The following FKBP15 variants were observed in gnomAD, a reference collection of about 807,000 sequenced individuals.
FKBP15 encodes the protein FK506-binding protein 15.
Under a neutral mutation model 158.1 loss-of-function variants are expected in FKBP15, and 106 were observed. That is an observed-to-expected ratio of 0.67 (90% CI 0.57 to 0.79). The LOEUF is 0.79. Among genes scored for constraint, FKBP15 ranks in the 30% least tolerant of loss-of-function variants. The pLI is 0.00. For missense variants in FKBP15, 1,287 were observed against 1,479.1 expected (o/e 0.87, Z 2.13); for synonymous variants, 547 against 548.6 (o/e 1.00, Z 0.04).
chr9:113,168,830 T>A (rs991113802), intron 26 of FKBP15, among the ~76,000 whole-genome samples: 2 of 152,212 alleles, frequency 1.3e-5, no homozygotes, highest in African/African-American at 4.8e-5. Flanking sequence ...GTGGAACAAC[T>A]CCTTTAGAAT....
In FKBP15 at chr9:113,162,016, TGG is replaced by T; in HGVS notation, c.*4060_*4061del. 2.3e-6 allele frequency: 1 copy of T among 435,012 alleles called. No individual in the cohort carries two copies. The highest frequency in any genetic ancestry group is 5.5e-5 in the East Asian group (1 of 18,274). 26.9% of individuals were successfully genotyped at this position (435,012 alleles called of 1,614,324 possible). Reference sequence around the variant, plus strand: ...CCTCCCCCAAATCTCACCAGTTCCATGGGTCACTAGGCTCCCATATCCAGGAG... The same window carrying T: ...CCTCCCCCAAATCTCACCAGTTCCATGTCACTAGGCTCCCATATCCAGGAG... On this transcript the variant is annotated 3_prime_UTR_variant, in exon 28 of 28. Transcript: ENST00000238256.
chr9:113,176,127 C>T (rs1830295830), intron 21 of FKBP15, among the ~76,000 whole-genome samples: 1 of 152,128 alleles, frequency 6.6e-6, no homozygotes, highest in South Asian at 2.1e-4. Context: ...CATCGATAGG[C>T]AAATCATTAA....
At position 113,167,754 on chromosome 9, in the gene FKBP15, G is replaced by A. The variant is rs146233936; in HGVS notation, c.3582+706C>T. The stretch of plus-strand genomic sequence containing the variant: ...TTTCAGAGCAGTCAAAATGGCCTAG[G>A]GACAGCCAGAACGGTTGTAACCTAG... On this transcript the variant is annotated intron_variant, in intron 27 of 27. Transcript: ENST00000238256. Among the ~76,000 whole-genome samples the A allele has an allele frequency of 1.4e-4, 22 of 152,288 alleles. 1 individual carries two copies. Among genetic ancestry groups the A allele is most frequent in the Admixed American group, 9.8e-4 (15 of 15,306 alleles).
chr9:113,212,847 C>T (rs1354963319), intron 1 of FKBP15, among the ~76,000 whole-genome samples: 1 of 152,152 alleles, frequency 6.6e-6, no homozygotes, highest in East Asian at 1.9e-4. Context: ...GCTGGTGATG[C>T]TCAAATCTGC....
intron 1 of FKBP15, among the ~76,000 whole-genome samples, chr9:113,214,989 C>A (rs896852466): frequency 6.6e-6 from 1 of 152,210 alleles, no homozygotes; most frequent in Non-Finnish European, 1.5e-5. Context: ...AGAGTTAGGG[C>A]CTTGCTCTGA....
intron 12 of FKBP15, among the ~76,000 whole-genome samples, chr9:113,190,069 T>G (rs540429645): frequency 6.8e-4 from 103 of 152,126 alleles, no homozygotes; most frequent in African/African-American, 2.4e-3. Context: ...GACATACTAG[T>G]TGGAGCTTTA....
Position 113,168,400 on chromosome 9 carries a change from AG to A in FKBP15, c.3582+59del. The A allele has an allele frequency of 2.1e-6, 3 of 1,397,692 alleles. No homozygotes were observed. The South Asian group carries it at 3.5e-5, about 16-fold the overall frequency. The allele number at this position is 1,397,692 out of a possible 1,614,324, so 86.6% of individuals were successfully genotyped here. On this transcript the variant is annotated intron_variant, in intron 27 of 27. Coordinates refer to ENST00000238256, the MANE Select transcript of FKBP15 (RefSeq NM_015258.2). Reference sequence around the variant, plus strand: ...AGGCTCCATTTCTCTTCTCAGAGCCAGTAGGGAAGAGCCCCCAGGTGGGTGT... The same window carrying A: ...AGGCTCCATTTCTCTTCTCAGAGCCATAGGGAAGAGCCCCCAGGTGGGTGT...
Position 113,169,633 on chromosome 9 carries a change from G to A in FKBP15, c.3076C>T (p.Pro1026Ser). The change falls in exon 26 of 28, where the codon CCA (proline) becomes TCA (serine). Residue 1026 changes from proline to serine, a missense_variant. Physicochemically the swap from Pro to Ser is moderately conservative, Grantham distance 74. Coordinates refer to ENST00000238256, the MANE Select transcript of FKBP15 (RefSeq NM_015258.2). Reference sequence around the variant, plus strand: ...GATGGGATGCAAGACAGTTCGGGTGGAAGGGAACCATCTTTTATCTCTGAG... The same window carrying A: ...GATGGGATGCAAGACAGTTCGGGTGAAAGGGAACCATCTTTTATCTCTGAG... ...ALSEIKDGSLPPELSCIPSHR... is the reference protein window; with the variant it reads ...ALSEIKDGSLSPELSCIPSHR... The A allele has an allele frequency of 6.2e-7, 1 of 1,613,992 alleles. No homozygotes were observed. The highest frequency in any genetic ancestry group is 8.5e-7 in the Non-Finnish European group (1 of 1,179,876).
chr9:113,196,469 C>T (rs1427626950), intron 9 of FKBP15, among the ~76,000 whole-genome samples: 1 of 151,322 alleles, frequency 6.6e-6, no homozygotes, highest in African/African-American at 2.4e-5. Context: ...CTGCAATCTC[C>T]GCCTCCCAGG....
intron 9 of FKBP15, among the ~76,000 whole-genome samples, chr9:113,194,884 C>G (rs1830641391): frequency 6.6e-6 from 1 of 152,188 alleles, no homozygotes; most frequent in Non-Finnish European, 1.5e-5. Context: ...GTATATTTCA[C>G]CAATTCCTCA....
chr9:113,176,600 G>C lies in FKBP15; in HGVS notation c.2160C>G (p.Leu720=). ...SEKQNRKQLE[L]KVTSLEEELT... is the part of the protein sequence containing the mutation. ...GTTCCTCCTCCAGGGATGTCACCTT[G>C]AGTTCCAGTTGTTTCCGGTTCTGCT... Residue 720 remains leucine (L), a synonymous_variant, in exon 21 of 28, where the codon CTC becomes CTG. Transcript: ENST00000238256. 1 of 1,589,068 alleles carries C rather than the reference G, an allele frequency of 6.3e-7. No homozygotes were observed. Among genetic ancestry groups the C allele is most frequent in the Non-Finnish European group, 8.6e-7 (1 of 1,165,332 alleles).
At position 113,178,613 on chromosome 9, in the gene FKBP15, C is replaced by T; in HGVS notation, c.2086+17G>A. On this transcript the variant is annotated intron_variant, in intron 20 of 27. Coordinates refer to ENST00000238256, the MANE Select transcript of FKBP15 (RefSeq NM_015258.2). ...TTTAAATGGCAACAATCCCAGCATCCCCCACCTAGCACATACCTGAGAGCT... is the reference window on the plus strand; with the variant it reads ...TTTAAATGGCAACAATCCCAGCATCTCCCACCTAGCACATACCTGAGAGCT... 1.9e-6 allele frequency: 3 copies of T among 1,579,640 alleles called. No homozygotes were observed. The highest frequency in any genetic ancestry group is 2.6e-6 in the Non-Finnish European group (3 of 1,162,880).
chr9:113,196,838 T>C, intron 9 of FKBP15, 94 bp downstream of exon 9: 1 of 1,454,138 alleles, frequency 6.9e-7, no homozygotes, highest in Non-Finnish European at 9.2e-7. Flanking sequence ...CAGAACCTGG[T>C]TTTCAAGTAT....
intron 21 of FKBP15, among the ~76,000 whole-genome samples, chr9:113,176,301 T>A (rs1326792405): frequency 1.3e-5 from 2 of 152,230 alleles, no homozygotes; most frequent in Admixed American, 1.3e-4. Context: ...CATGTATGTG[T>A]GTGAGAGTGT....
chr9:113,191,495 C>T (rs1830574555), intron 11 of FKBP15, among the ~76,000 whole-genome samples: 1 of 151,542 alleles, frequency 6.6e-6, no homozygotes, highest in African/African-American at 2.4e-5. Flanking sequence ...TTTTTCGTAA[C>T]TGATGATGTA....
chr9:113,186,082 A>C (rs1035859030), intron 15 of FKBP15, among the ~76,000 whole-genome samples, 167 bp downstream of exon 15: 3 of 152,246 alleles, frequency 2.0e-5, no homozygotes, highest in Admixed American at 2.0e-4. Context: ...TGAATTGCAC[A>C]TTTAAAATGA....
At chr9:113,179,665 GAA>G (rs1177990591) in intron 19 of FKBP15, among the ~76,000 whole-genome samples, 1 of 69,234 alleles carries the variant, frequency 1.4e-5, no homozygotes. Flanking sequence ...CATCTCAAAA[GAA>G]AAAAAAAAAA....
intron 1 of FKBP15, among the ~76,000 whole-genome samples, chr9:113,212,647 A>T (rs1383064538): frequency 6.6e-6 from 1 of 152,162 alleles, no homozygotes; most frequent in Non-Finnish European, 1.5e-5. Context: ...GATATCAATA[A>T]ATACTAATGC....
intron 8 of FKBP15, 68 bp from the exon 9 acceptor site, chr9:113,197,146 A>G: frequency 1.3e-6 from 2 of 1,571,576 alleles, no homozygotes; most frequent in Non-Finnish European, 1.7e-6. Flanking sequence ...GAAGTACAGG[A>G]GCAACAGGTT....
Sources: gnomAD v4.1 joint callset for allele counts (sites outside exome capture counted in the v4.1 genomes callset) on GRCh38, gnomAD v4.1.1 for gene constraint, MANE v1.5 for transcripts, NCBI Gene and HGNC (gene_info 2026-07-23, HGNC 2026-07-21) for gene names.